The following UTS2 variants were observed in gnomAD, a reference collection of about 807,000 sequenced individuals.
UTS2 encodes the protein urotensin 2, also known as urotensin-2.
Under a neutral mutation model 12.6 loss-of-function variants are expected in UTS2, and 10 were observed. The ratio of observed to expected loss-of-function variants is 0.80; its 90% CI spans 0.49 to 1.35. UTS2 has a LOEUF of 1.35. Ranked by LOEUF, UTS2 falls within the 40% of genes most tolerant of loss-of-function variation. The pLI, the probability that UTS2 is intolerant of heterozygous loss-of-function variation, is 0.00. For missense variants in UTS2, 142 were observed against 143.2 expected (o/e 0.99, Z 0.04); for synonymous variants, 52 against 50.0 (o/e 1.04, Z -0.17).
the UTS2 span, among the ~76,000 whole-genome samples, chr1:7,901,289 G>A: frequency 2.6e-5 from 4 of 152,220 alleles, no homozygotes; most frequent in African/African-American, 9.7e-5. Flanking sequence ...GACAGTGAGA[G>A]TAGGATGTGA....
the UTS2 span, among the ~76,000 whole-genome samples, chr1:7,884,184 G>A: frequency 6.6e-6 from 1 of 151,958 alleles, no homozygotes; most frequent in African/African-American, 2.4e-5. Context: ...TTTCATTGAT[G>A]TATCTTTATC....
At chr1:7,858,046 T>C (rs707476), upstream of UTS2, among the ~76,000 whole-genome samples, 110,359 of 151,918 alleles carry the variant, frequency 0.73, 40,539 homozygotes, top group East Asian at 0.91. Context: ...AGATGAACTC[T>C]GGGGCTCCAA....
At chr1:7,902,310 C>T in the UTS2 span, among the ~76,000 whole-genome samples, 1 of 152,126 alleles carries the variant, frequency 6.6e-6, no homozygotes, top group Admixed American at 6.6e-5. Context: ...GGGCTCTGGG[C>T]AGATTGCCTG....
chr1:7,860,198 C>T, the UTS2 span, among the ~76,000 whole-genome samples: 1 of 152,218 alleles, frequency 6.6e-6, no homozygotes, highest in African/African-American at 2.4e-5. Context: ...CTGATCAATG[C>T]CACAGATAAC....
chr1:7,906,069 G>C, the UTS2 span, among the ~76,000 whole-genome samples: 1 of 152,094 alleles, frequency 6.6e-6, no homozygotes, highest in East Asian at 1.9e-4. Flanking sequence ...GTAATATAAT[G>C]TTGCCTTTCA....
At chr1:7,898,431 C>G in the UTS2 span, among the ~76,000 whole-genome samples, 1 of 152,008 alleles carries the variant, frequency 6.6e-6, no homozygotes, top group Non-Finnish European at 1.5e-5. Context: ...AAGGGGTGCT[C>G]TGACCAGGTA....
the UTS2 span, among the ~76,000 whole-genome samples, chr1:7,892,058 C>T: frequency 2.6e-5 from 4 of 152,300 alleles, no homozygotes; most frequent in East Asian, 3.9e-4. Context: ...GACCGGCCAG[C>T]GGCCTCCCTG....
At position 7,850,770 on chromosome 1, in the gene UTS2, GC is replaced by G. The variant is rs767822642; in HGVS notation, c.214+41del. The G allele has an allele frequency of 5.7e-6, 9 of 1,583,816 alleles. No homozygotes were observed. The South Asian group carries it at 1.0e-4, about 18-fold the overall frequency. On this transcript the variant is annotated intron_variant, in intron 2 of 3. Coordinates refer to ENST00000361696, the MANE Select transcript of UTS2 (RefSeq NM_006786.4). ...ATGAGGACAGACGGTAAGTTCAGTA[GC>G]AATTAAATCAGACACGCTATAAACA...
chr1:7,869,431 A>C, the UTS2 span, among the ~76,000 whole-genome samples: 1 of 152,234 alleles, frequency 6.6e-6, no homozygotes, highest in Non-Finnish European at 1.5e-5. Flanking sequence ...AGGGGTGAGC[A>C]CGTGGGGAAA....
At chr1:7,909,168 A>G in the UTS2 span, among the ~76,000 whole-genome samples, 1 of 152,168 alleles carries the variant, frequency 6.6e-6, no homozygotes, top group Non-Finnish European at 1.5e-5. Flanking sequence ...CCCAGGACAC[A>G]CGGGGATTAT....
the UTS2 span, among the ~76,000 whole-genome samples, chr1:7,866,008 A>G: frequency 1.3e-5 from 2 of 152,196 alleles, no homozygotes; most frequent in African/African-American, 4.8e-5. This position sits in a 1 kb window ranked among gnomAD's most constrained non-coding sequence, Gnocchi z 4.5. Flanking sequence ...GCAGGGGACA[A>G]GTGTTAGCCC....
the UTS2 span, among the ~76,000 whole-genome samples, chr1:7,881,914 T>A: frequency 2.6e-5 from 4 of 152,142 alleles, no homozygotes; most frequent in African/African-American, 9.7e-5. Flanking sequence ...AGCATGGTAT[T>A]GGTATAAAAA....
At chr1:7,877,436 T>C in the UTS2 span, among the ~76,000 whole-genome samples, 1 of 152,124 alleles carries the variant, frequency 6.6e-6, no homozygotes. Flanking sequence ...AATCCTCAAA[T>C]TGAATAATTC....
the UTS2 span, among the ~76,000 whole-genome samples, chr1:7,905,271 G>A: frequency 9.9e-5 from 15 of 151,468 alleles, no homozygotes; most frequent in East Asian, 2.8e-3. Flanking sequence ...AGCCTCCTGC[G>A]AGTAGCTGGG....
chr1:7,847,909 A>G (rs2097409477), intron 3 of UTS2, 27 bp from the exon 4 acceptor site: 1 of 1,471,502 alleles, frequency 6.8e-7, no homozygotes, highest in Admixed American at 1.9e-5. Flanking sequence ...GAACAACAAC[A>G]ACAAAAAAAA....
intron 1 of UTS2, among the ~76,000 whole-genome samples, chr1:7,852,315 G>A (rs1206989076): frequency 6.6e-6 from 1 of 152,132 alleles, no homozygotes; most frequent in Non-Finnish European, 1.5e-5. Flanking sequence ...CTACTTGACT[G>A]ATGTGTATTT....
upstream of UTS2, among the ~76,000 whole-genome samples, chr1:7,855,477 C>T (rs547138426): frequency 4.0e-5 from 6 of 149,714 alleles, no homozygotes; most frequent in African/African-American, 9.8e-5. Flanking sequence ...ACAGCTACTC[C>T]GGAGGCTGAG....
At chr1:7,895,485 G>A in the UTS2 span, among the ~76,000 whole-genome samples, 2 of 152,142 alleles carry the variant, frequency 1.3e-5, no homozygotes, top group African/African-American at 4.8e-5. Flanking sequence ...ATTCAAAGCT[G>A]CTGTGCTTAG....
At chr1:7,863,671 G>A in the UTS2 span, among the ~76,000 whole-genome samples, 1 of 152,124 alleles carries the variant, frequency 6.6e-6, no homozygotes, top group South Asian at 2.1e-4. Flanking sequence ...CTGGTGCATG[G>A]GCTCTGTATT....
Sources: gnomAD v4.1 joint callset for allele counts (sites outside exome capture counted in the v4.1 genomes callset) on GRCh38, gnomAD v4.1.1 for gene constraint, Gnocchi (gnomAD v3.1) non-coding constraint, MANE v1.5 for transcripts, NCBI Gene and HGNC (gene_info 2026-07-23, HGNC 2026-07-21) for gene names.